FMN1: variants seen among roughly 807,000 people sequenced by gnomAD.
FMN1 encodes the protein formin 1.
FMN1 carries 110 observed loss-of-function variants against 132.4 expected under a neutral mutation model. The observed-to-expected ratio is 0.83, with a 90% CI of 0.71 to 0.97. The LOEUF is 0.97. FMN1 is among the 50% of genes least tolerant of loss of function. FMN1 has a pLI of 0.00. For missense variants in FMN1, 1,792 were observed against 1,705.3 expected, an observed-to-expected ratio of 1.05 and a Z score of -0.90; for synonymous variants, 722 against 651.7, an observed-to-expected ratio of 1.11 and a Z score of -1.64.
At chr15:32,939,828 T>C (rs1278791875) in intron 9 of FMN1, among the ~76,000 whole-genome samples, 1 of 152,194 alleles carries the variant, frequency 6.6e-6, no homozygotes, top group East Asian at 1.9e-4. Flanking sequence ...AGTGATAATC[T>C]GGGAAATTTT....
At chr15:33,160,997 A>G (rs534080429) in intron 3 of FMN1, among the ~76,000 whole-genome samples, 3 of 152,300 alleles carry the variant, frequency 2.0e-5, no homozygotes, top group Admixed American at 1.3e-4. Context: ...TATTTCACCA[A>G]TGCTAAAAAT....
At chr15:33,176,699 A>G (rs1965527294) in intron 3 of FMN1, among the ~76,000 whole-genome samples, 1 of 152,132 alleles carries the variant, frequency 6.6e-6, no homozygotes, top group Non-Finnish European at 1.5e-5. Context: ...CTCTAAAAAT[A>G]TGACTAGATA....
intron 16 of FMN1, among the ~76,000 whole-genome samples, chr15:32,868,508 T>C (rs1369746241): frequency 1.3e-5 from 2 of 152,232 alleles, no homozygotes; most frequent in African/African-American, 4.8e-5. Context: ...TGCACAATGA[T>C]GATATTGCCT....
chr15:32,804,373 T>C, intron 17 of FMN1, 41 bp from the exon 18 acceptor site: 1 of 1,281,908 alleles, frequency 7.8e-7, no homozygotes, highest in Non-Finnish European at 1.1e-6. Context: ...TTTCTTCTGT[T>C]GTCTCCTTTG....
At chr15:33,176,247 C>T (rs1965508264) in intron 3 of FMN1, among the ~76,000 whole-genome samples, 1 of 152,116 alleles carries the variant, frequency 6.6e-6, no homozygotes, top group Non-Finnish European at 1.5e-5. Context: ...GTAGCACATG[C>T]CTGTAATTCC....
At chr15:32,811,152 C>A (rs1207285493) in intron 17 of FMN1, 1 of 453,646 alleles carries the variant, frequency 2.2e-6, no homozygotes, top group Non-Finnish European at 4.4e-6. Context: ...ATATTTGGAA[C>A]CAGTTTGTGA....
chr15:32,884,794 T>A (rs949086666), intron 16 of FMN1, among the ~76,000 whole-genome samples: 2 of 152,210 alleles, frequency 1.3e-5, no homozygotes. Flanking sequence ...ATATGGAACA[T>A]GTTCCCAAGC....
At chr15:32,883,682 A>G (rs182052589) in intron 16 of FMN1, among the ~76,000 whole-genome samples, 4 of 152,238 alleles carry the variant, frequency 2.6e-5, no homozygotes, top group African/African-American at 9.6e-5. Flanking sequence ...TGTTGCTAGT[A>G]CAATCAATAT....
chr15:32,918,555 G>A (rs892784258), intron 10 of FMN1, among the ~76,000 whole-genome samples: 1 of 152,222 alleles, frequency 6.6e-6, no homozygotes, highest in East Asian at 1.9e-4. Context: ...CCTAAGTCCA[G>A]GCATGTACTA....
At chr15:33,055,609 C>A (rs200664486) in intron 6 of FMN1, among the ~76,000 whole-genome samples, 9 of 148,700 alleles carry the variant, frequency 6.1e-5, no homozygotes, top group South Asian at 4.2e-4. Context: ...AACTCATAGA[C>A]AAAAAAAAAC....
intron 7 of FMN1, among the ~76,000 whole-genome samples, chr15:32,992,874 T>C (rs1328064366): frequency 1.3e-5 from 2 of 152,216 alleles, no homozygotes; most frequent in Non-Finnish European, 2.9e-5. Flanking sequence ...GAGAGATCAA[T>C]GTATATTTAG....
rs1167968410 is a variant in FMN1, at chr15:32,767,468, C to T, written c.*6842G>A. 2.0e-5 allele frequency: 3 copies of T among 152,154 alleles called. No homozygotes were observed. Among genetic ancestry groups the T allele is most frequent in the Non-Finnish European group, 4.4e-5 (3 of 68,030 alleles). The allele number at this position is 152,154 out of a possible 1,614,324, so 9.4% of individuals were successfully genotyped here. On this transcript the variant is annotated 3_prime_UTR_variant, in exon 21 of 21. Coordinates refer to ENST00000616417, the MANE Select transcript of FMN1 (RefSeq NM_001277313.2). Reference sequence around the variant, plus strand: ...CTTATTTTCCAGGCCAAAGCACGATCCCCTAAATCAAAGTCCAAGGCCACC... The same window carrying T: ...CTTATTTTCCAGGCCAAAGCACGATTCCCTAAATCAAAGTCCAAGGCCACC...
intron 12 of FMN1, among the ~76,000 whole-genome samples, chr15:32,904,908 G>A (rs1159302151): frequency 2.0e-5 from 3 of 152,156 alleles, no homozygotes; most frequent in Non-Finnish European, 4.4e-5. Context: ...ACCCACAAGA[G>A]CAAACACAGT....
intron 8 of FMN1, among the ~76,000 whole-genome samples, chr15:32,964,511 C>T (rs558993200): frequency 6.6e-6 from 1 of 152,306 alleles, no homozygotes; most frequent in East Asian, 1.9e-4. Context: ...TAGAGCTCTA[C>T]AGAAACTCCT....
intron 6 of FMN1, among the ~76,000 whole-genome samples, chr15:33,059,540 T>C (rs543709970): frequency 6.6e-6 from 1 of 152,340 alleles, no homozygotes; most frequent in African/African-American, 2.4e-5. Context: ...TGTATTTTCC[T>C]TGTTGGATCT....
Position 33,153,300 on chromosome 15 carries a change from G to A in FMN1, c.1615C>T (p.Arg539Trp), listed in dbSNP as rs187110397. 53 of 1,536,228 alleles carry A rather than the reference G, an allele frequency of 3.5e-5. No individual in the cohort carries two copies. In the Admixed American group the frequency reaches 6.9e-4, roughly 20 times the overall value. Reference protein sequence around the residue: ...PSPQQHHRILRLPALPGEREA... With the variant: ...PSPQQHHRILWLPALPGEREA... ...CTCTCACCAGGCAATGCAGGGAGCC[G>A]GAGGATCCTGTGATGCTGCTGAGGG... The change falls in exon 4 of 21, where the codon CGG becomes TGG. Residue 539 changes from arginine to tryptophan, a missense_variant. Around this residue, in one of 3 missense-constraint regions of FMN1, gnomAD observed 1,150 missense variants for 1,043.1 expected, o/e 1.10. Transcript: ENST00000616417.
At chr15:32,799,234 C>T (rs1199806395) in intron 18 of FMN1, among the ~76,000 whole-genome samples, 6 of 152,130 alleles carry the variant, frequency 3.9e-5, no homozygotes, top group Non-Finnish European at 4.4e-5. Context: ...TAAAACGTCT[C>T]GAGTTTGTTC....
chr15:32,956,276 A>T (rs2061766052), intron 9 of FMN1, among the ~76,000 whole-genome samples: 1 of 152,194 alleles, frequency 6.6e-6, no homozygotes, highest in Non-Finnish European at 1.5e-5. Context: ...AACAAGAGAA[A>T]CATGGTTGAA....
At chr15:32,951,864 C>T (rs1409667940) in intron 9 of FMN1, among the ~76,000 whole-genome samples, 1 of 152,220 alleles carries the variant, frequency 6.6e-6, no homozygotes, top group Non-Finnish European at 1.5e-5. Flanking sequence ...CCCTACCACA[C>T]TACCACCTTC....
Sources: gnomAD v4.1 joint callset for allele counts (sites outside exome capture counted in the v4.1 genomes callset) on GRCh38, gnomAD v4.1.1 for gene constraint, gnomAD v4.1.1 regional missense constraint, MANE v1.5 for transcripts, NCBI Gene and HGNC (gene_info 2026-07-23, HGNC 2026-07-21) for gene names.